Variants in RPRD1A observed in about 807,000 individuals in gnomAD.
RPRD1A encodes regulation of nuclear pre-mRNA domain-containing protein 1A.
In RPRD1A, 9 loss-of-function variants were observed where a neutral mutation model predicts 37.8. The observed-to-expected ratio is 0.24, with a 90% CI of 0.14 to 0.42. RPRD1A has a LOEUF of 0.42. RPRD1A is among the 10% of genes least tolerant of loss of function. The pLI is 1.00. For synonymous variants in RPRD1A, 138 were observed against 139.7 expected (o/e 0.99, Z 0.08); for missense variants, 255 against 371.0 (o/e 0.69, Z 2.57).
intron 1 of RPRD1A, among the ~76,000 whole-genome samples, chr18:36,049,547 A>G (rs1296917856): frequency 3.3e-5 from 5 of 152,228 alleles, no homozygotes; most frequent in African/African-American, 1.2e-4. Flanking sequence ...GGTGTCTCAT[A>G]TAAGTAGAAT....
At chr18:36,008,473 G>A (rs1259653900) in intron 6 of RPRD1A, among the ~76,000 whole-genome samples, 1 of 149,242 alleles carries the variant, frequency 6.7e-6, no homozygotes, top group African/African-American at 2.5e-5. Context: ...TTATTCAGGA[G>A]GCTGAGTAGT....
chr18:36,064,589 A>T (rs114025587), intron 1 of RPRD1A, among the ~76,000 whole-genome samples: 2 of 152,190 alleles, frequency 1.3e-5, no homozygotes, highest in African/African-American at 4.8e-5. Flanking sequence ...TAAATGCAAC[A>T]ATCAGTGCTG....
At chr18:36,008,577 G>GTGTGTGTGTATATATATA in intron 6 of RPRD1A, among the ~76,000 whole-genome samples, 9 of 47,796 alleles carry the variant, frequency 1.9e-4, no homozygotes, top group Non-Finnish European at 3.0e-4. Context: ...CCTTGTGTGT[G>GTGTGTGTGTATATATATA]TATATATATA....
chr18:36,059,231 G>A (rs1050439633), intron 1 of RPRD1A, among the ~76,000 whole-genome samples: 3 of 151,894 alleles, frequency 2.0e-5, no homozygotes, highest in East Asian at 1.9e-4. Context: ...TCCGCTTCCC[G>A]GGTTCAAGTG....
At chr18:36,038,354 C>A (rs992751867) in intron 1 of RPRD1A, among the ~76,000 whole-genome samples, 1 of 152,238 alleles carries the variant, frequency 6.6e-6, no homozygotes, top group Admixed American at 6.5e-5. Flanking sequence ...GGGGCCAGGG[C>A]ACAGCTTGGG....
intron 2 of RPRD1A, among the ~76,000 whole-genome samples, chr18:36,033,299 C>CCAAAAAAAAAAAAAAAAAAAAAAAAAA (rs1348356259): frequency 6.6e-5 from 5 of 75,940 alleles, no homozygotes; most frequent in African/African-American, 2.9e-4. Context: ...GACTCTGTCT[C>CCAAAAAAAAAAAAAAAAAAAAAAAAAA]AAAAAAAAAA....
intron 6 of RPRD1A, among the ~76,000 whole-genome samples, chr18:35,997,782 A>G (rs1269698635): frequency 1.3e-5 from 2 of 152,202 alleles, no homozygotes; most frequent in South Asian, 2.1e-4. Context: ...GTTAGTATGT[A>G]TGTGTACCCA....
In RPRD1A at chr18:36,062,463, C is replaced by CA. The variant is rs754276466; in HGVS notation, c.151+4790dup. 7.6e-3 allele frequency among the ~76,000 whole-genome samples: 1,021 copies of CA among 134,484 alleles called. 8 individuals carry two copies. The highest frequency in any genetic ancestry group is 0.021 in the African/African-American group (748 of 36,438). 88.2% of individuals were successfully genotyped at this position (134,484 alleles called of 152,430 possible). A position where few individuals can be genotyped will look rare whatever the true frequency, so the allele number is the denominator to read the frequency against. ...AGTATCCAAGATGAAAACATATCCA[C>CA]AAAAAAAAAAAGCTTGTACAGGAGT... is the stretch of plus-strand genomic sequence containing the variant. On this transcript the variant is annotated intron_variant, in intron 1 of 6. Transcript: ENST00000399022.
intron 6 of RPRD1A, among the ~76,000 whole-genome samples, chr18:36,016,658 G>A (rs935482839): frequency 1.3e-5 from 2 of 152,158 alleles, no homozygotes; most frequent in Non-Finnish European, 2.9e-5. Flanking sequence ...GTGATTCAGA[G>A]CAATGTTTTC....
chr18:36,041,225 C>T (rs1223285600), intron 1 of RPRD1A, among the ~76,000 whole-genome samples: 3 of 152,120 alleles, frequency 2.0e-5, no homozygotes, highest in Admixed American at 6.5e-5. Context: ...TTAATAATCC[C>T]CACGTATCTC....
At chr18:36,032,052 A>C (rs1013039474) in intron 2 of RPRD1A, among the ~76,000 whole-genome samples, 6 of 152,108 alleles carry the variant, frequency 3.9e-5, no homozygotes, top group African/African-American at 1.4e-4. Context: ...GGCTCATTTC[A>C]CCCCTTCCTT....
In RPRD1A at chr18:35,989,890, A is replaced by T. The variant is rs1347619230; in HGVS notation, c.*3261T>A. On this transcript the variant is annotated 3_prime_UTR_variant, in exon 7 of 7. Transcript: ENST00000399022. The stretch of plus-strand genomic sequence containing the variant: ...ATACTGTCATCAGATACAGCCAAAG[A>T]AGAACGGGTAAACAAACAGGGAAAG... 6.6e-6 allele frequency: 1 copy of T among 152,242 alleles called. No individual in the cohort carries two copies. 9.4% of individuals were successfully genotyped at this position (152,242 alleles called of 1,614,324 possible).
chr18:36,046,566 A>G (rs1912966271), intron 1 of RPRD1A, among the ~76,000 whole-genome samples: 1 of 151,868 alleles, frequency 6.6e-6, no homozygotes, highest in Non-Finnish European at 1.5e-5. Context: ...ACAGTGGCAC[A>G]TGCCTGTAAT....
intron 1 of RPRD1A, among the ~76,000 whole-genome samples, chr18:36,044,424 A>C (rs577672331): frequency 5.3e-5 from 8 of 152,244 alleles, no homozygotes; most frequent in Non-Finnish European, 1.2e-4. Flanking sequence ...ACAGAAGCTC[A>C]CACCTGTAAT....
At chr18:36,022,253 A>G (rs1911043656) in intron 6 of RPRD1A, among the ~76,000 whole-genome samples, 1 of 152,212 alleles carries the variant, frequency 6.6e-6, no homozygotes, top group Admixed American at 6.5e-5. Flanking sequence ...TGTCTCCGTA[A>G]CTTCGAAGTG....
At chr18:36,024,506 A>C (rs1911228205) in intron 6 of RPRD1A, among the ~76,000 whole-genome samples, 1 of 152,062 alleles carries the variant, frequency 6.6e-6, no homozygotes, top group South Asian at 2.1e-4. Context: ...GAAGTTTCAA[A>C]AATAATGATT....
chr18:36,062,171 G>A (rs533638003), intron 1 of RPRD1A, among the ~76,000 whole-genome samples: 3 of 151,426 alleles, frequency 2.0e-5, no homozygotes, highest in South Asian at 2.1e-4. Context: ...CAAAAAATTA[G>A]CCGGGCGCGG....
intron 1 of RPRD1A, among the ~76,000 whole-genome samples, chr18:36,034,632 ATCAC>A (rs941895646): frequency 2.6e-5 from 4 of 152,214 alleles, no homozygotes; most frequent in Non-Finnish European, 5.9e-5. Flanking sequence ...TTAAATTTGA[ATCAC>A]TCAATGTAGT....
rs377543761 is a variant in RPRD1A at position 35,994,295 on chromosome 18, T to C, written c.790-995A>G. Among the ~76,000 whole-genome samples the C allele has an allele frequency of 5.3e-5, 8 of 152,232 alleles. No individual in the cohort carries two copies. In the East Asian group the frequency reaches 5.8e-4, roughly 11 times the overall value. On this transcript the variant is annotated intron_variant, in intron 6 of 6. Coordinates refer to ENST00000399022, the MANE Select transcript of RPRD1A (RefSeq NM_018170.5). ...TGAGAGGACCATCCTAGAGAGTGCA[T>C]AGATGAGGAAACATCTAAGGAAGAA...
Sources: gnomAD v4.1 joint callset for allele counts (sites outside exome capture counted in the v4.1 genomes callset) on GRCh38, gnomAD v4.1.1 for gene constraint, MANE v1.5 for transcripts, NCBI Gene and HGNC (gene_info 2026-07-23, HGNC 2026-07-21) for gene names.